Variants in PRPF6 observed in about 807,000 individuals in gnomAD.
PRPF6 encodes pre-mRNA processing factor 6, also known as pre-mRNA-processing factor 6.
Under a neutral mutation model 118.3 loss-of-function variants are expected in PRPF6, and 42 were observed. That is an observed-to-expected ratio of 0.35 (90% CI 0.28 to 0.46). PRPF6 has a LOEUF of 0.46. PRPF6 is among the 20% of genes least tolerant of loss of function. The pLI is 1.00. For missense variants in PRPF6, 662 were observed against 1,255.7 expected, an observed-to-expected ratio of 0.53 and a Z score of 7.15; for synonymous variants, 481 against 485.1, an observed-to-expected ratio of 0.99 and a Z score of 0.11.
At chr20:63,985,048 A>G (rs760937988) in intron 3 of PRPF6, 23 bp downstream of exon 3, 2 of 1,596,688 alleles carry the variant, frequency 1.3e-6, no homozygotes. Context: ...GTTGCCTTTC[A>G]CAATATTTAT....
intron 11 of PRPF6, among the ~76,000 whole-genome samples, chr20:64,013,175 G>T (rs2059222602): frequency 6.6e-6 from 1 of 152,046 alleles, no homozygotes; most frequent in Non-Finnish European, 1.5e-5. Flanking sequence ...ATGTTGGCCA[G>T]GTTGGTCTCG....
intron 11 of PRPF6, among the ~76,000 whole-genome samples, chr20:64,012,921 C>T (rs1459356230): frequency 6.6e-6 from 1 of 151,196 alleles, no homozygotes; most frequent in African/African-American, 2.4e-5. Flanking sequence ...CAGGAAGTCT[C>T]ATGGCTTCTT....
At position 64,027,076 on chromosome 20, in the gene PRPF6, TC is replaced by T; in HGVS notation, c.2127del (p.Lys710SerfsTer4). 9 of 1,613,984 alleles carry T rather than the reference TC, an allele frequency of 5.6e-6. No individual in the cohort carries two copies. Among genetic ancestry groups the T allele is most frequent in the Non-Finnish European group, 7.6e-6 (9 of 1,179,990 alleles). ...GAGGCCCTGCGGCACTATGAGGACT[TC>T]CCCAAGCTGTGGATGATGAAGGGGC... ...CEEALRHYEDFPKLWMMKGQI... is the reference protein window; with the variant it reads ...CEEALRHYEDXPKLWMMKGQI... On this transcript the variant is annotated frameshift_variant, in exon 16 of 21. Coordinates refer to ENST00000266079, the MANE Select transcript of PRPF6 (RefSeq NM_012469.4). LOFTEE classifies it high-confidence loss of function. The surrounding 1 kb of genome is among the most constrained non-coding windows in gnomAD (Gnocchi z 6.5).
intron 9 of PRPF6, among the ~76,000 whole-genome samples, chr20:64,003,949 C>G (rs2059179146): frequency 6.6e-6 from 1 of 152,176 alleles, no homozygotes; most frequent in Admixed American, 6.5e-5. Flanking sequence ...TAGCACCTGT[C>G]TGGGTTTGTA....
intron 12 of PRPF6, among the ~76,000 whole-genome samples, chr20:64,021,575 T>C (rs1254114010): frequency 7.1e-6 from 1 of 140,338 alleles, no homozygotes; most frequent in Non-Finnish European, 1.5e-5. Context: ...TGTGTGTGTG[T>C]GCACATATGC....
chr20:64,029,378 T>C lies in PRPF6; in HGVS notation c.2433T>C (p.Gly811=). Residue 811 remains glycine, a splice_region_variant and synonymous_variant, in exon 19 of 21, where the codon GGT becomes GGC. Transcript: ENST00000266079. The surrounding 1 kb of genome is among the most constrained non-coding windows in gnomAD (Gnocchi z 4.8). ...AKALQECPNS[G]ILWSEAIFLE... ...TTGTTCTTTGTTTCTGAATTATAGG[T>C]ATCCTGTGGTCTGAGGCCATCTTCC... is the stretch of plus-strand genomic sequence containing the variant. 2.5e-6 allele frequency: 4 copies of C among 1,613,374 alleles called. No individual in the cohort carries two copies. In the South Asian group the frequency reaches 4.4e-5, roughly 18 times the overall value.
At chr20:64,000,487 C>T (rs746802138) in intron 8 of PRPF6, among the ~76,000 whole-genome samples, 3 of 148,790 alleles carry the variant, frequency 2.0e-5, no homozygotes, top group African/African-American at 4.9e-5. Flanking sequence ...CAAAAAAGAA[C>T]GACCCGAGCA....
chr20:64,031,256 C>A (rs1216113317), intron 19 of PRPF6, among the ~76,000 whole-genome samples: 1 of 152,234 alleles, frequency 6.6e-6, no homozygotes, highest in Non-Finnish European at 1.5e-5. Flanking sequence ...CAGTGAGGAG[C>A]TGAAACTGTA....
At chr20:64,007,889 G>T (rs2059197892) in intron 9 of PRPF6, among the ~76,000 whole-genome samples, 1 of 152,032 alleles carries the variant, frequency 6.6e-6, no homozygotes, top group Non-Finnish European at 1.5e-5. Flanking sequence ...CGATTCTCCT[G>T]CCTCAGCCTC....
chr20:64,020,699 G>A (rs1382465294), intron 12 of PRPF6, among the ~76,000 whole-genome samples: 1 of 152,026 alleles, frequency 6.6e-6, no homozygotes, highest in Non-Finnish European at 1.5e-5. Context: ...TTGAGTGGAT[G>A]GGTTTTTTCC....
chr20:64,020,638 A>G (rs1300765913), intron 12 of PRPF6, among the ~76,000 whole-genome samples: 1 of 152,154 alleles, frequency 6.6e-6, no homozygotes, highest in Non-Finnish European at 1.5e-5. Context: ...ATTCTTGAGT[A>G]TAGGGAAAAA....
Position 64,032,375 on chromosome 20 carries a change from C to T in PRPF6, c.2673+331C>T, listed in dbSNP as rs1486510662. On this transcript the variant is annotated intron_variant, in intron 20 of 20. Coordinates refer to ENST00000266079, the MANE Select transcript of PRPF6 (RefSeq NM_012469.4). ...CTTTAGGAATGGGAATGGAGTTGGC[C>T]TTTTTCTTGGGCCTGAGCCTGAGTG... Among the ~76,000 whole-genome samples, 6 of 152,194 alleles carry T rather than the reference C, an allele frequency of 3.9e-5. No individual in the cohort carries two copies. In the East Asian group the frequency reaches 9.6e-4, roughly 24 times the overall value.
At position 64,033,050 on chromosome 20, in the gene PRPF6, G is replaced by T; in HGVS notation, c.*57G>T. The stretch of plus-strand genomic sequence containing the variant: ...GCAGGGTTGGGCCGCATGTGGAAGG[G>T]CTCTGAGCTGTGTCCTCCTTCATTA... On this transcript the variant is annotated 3_prime_UTR_variant, in exon 21 of 21. Coordinates refer to ENST00000266079, the MANE Select transcript of PRPF6 (RefSeq NM_012469.4). 1 of 1,607,080 alleles carries T rather than the reference G, an allele frequency of 6.2e-7. No homozygotes were observed.
At chr20:64,021,580 A>ACG (rs2059264279) in intron 12 of PRPF6, among the ~76,000 whole-genome samples, 1 of 119,734 alleles carries the variant, frequency 8.4e-6, no homozygotes, top group African/African-American at 3.3e-5. Context: ...GTGTGTGCAC[A>ACG]TATGCATATG....
At chr20:64,031,672 C>CAAAAAAAAAAA (rs568394576) in intron 19 of PRPF6, among the ~76,000 whole-genome samples, 1 of 75,860 alleles carries the variant, frequency 1.3e-5, no homozygotes, top group East Asian at 5.4e-4. Context: ...GACTCCTTCT[C>CAAAAAAAAAAA]AAAAAAAAAA....
At chr20:64,010,845 CTTATT>C (rs1236764063) in intron 10 of PRPF6, among the ~76,000 whole-genome samples, 1 of 152,156 alleles carries the variant, frequency 6.6e-6, no homozygotes, top group Non-Finnish European at 1.5e-5. Context: ...CAACATTAAT[CTTATT>C]TTATTTACAT....
chr20:64,031,672 CA>C (rs568394576), intron 19 of PRPF6, among the ~76,000 whole-genome samples: 23,330 of 75,794 alleles, frequency 0.31, 2,473 homozygotes, highest in African/African-American at 0.43. Context: ...GACTCCTTCT[CA>C]AAAAAAAAAA....
chr20:64,022,119 G>T (rs2059269627), intron 12 of PRPF6, among the ~76,000 whole-genome samples: 1 of 152,260 alleles, frequency 6.6e-6, no homozygotes, highest in South Asian at 2.1e-4. Flanking sequence ...GCAGGCCAAG[G>T]AAGCAGCAAG....
intron 9 of PRPF6, 66 bp downstream of exon 9, chr20:64,001,305 C>T (rs2059165373): frequency 1.3e-6 from 2 of 1,568,626 alleles, no homozygotes; most frequent in Admixed American, 1.7e-5. Flanking sequence ...AGCTTTCCTG[C>T]TCCTGGCTCA....
Sources: gnomAD v4.1 joint callset for allele counts (sites outside exome capture counted in the v4.1 genomes callset) on GRCh38, gnomAD v4.1.1 for gene constraint, Gnocchi (gnomAD v3.1) non-coding constraint, MANE v1.5 for transcripts, NCBI Gene and HGNC (gene_info 2026-07-23, HGNC 2026-07-21) for gene names.